Variants in HERC5 observed in about 807,000 individuals in gnomAD.
HERC5 encodes HECT and RLD domain containing E3 ubiquitin protein ligase 5.
Under a neutral mutation model 119.6 loss-of-function variants are expected in HERC5, and 99 were observed. The ratio of observed to expected loss-of-function variants is 0.83; its 90% CI spans 0.70 to 0.98. The LOEUF (loss-of-function observed/expected upper bound fraction) is 0.98. HERC5 is among the 50% of genes least tolerant of loss of function. HERC5 has a pLI of 0.00. For missense variants in HERC5, 1,267 were observed against 1,241.3 expected (o/e 1.02, Z -0.31); for synonymous variants, 478 against 445.9 (o/e 1.07, Z -0.91).
At chr4:88,470,560 G>C in intron 9 of HERC5, 54 bp from the exon 10 acceptor site, 1 of 861,780 alleles carries the variant, frequency 1.2e-6, no homozygotes, top group Non-Finnish European at 1.9e-6. Flanking sequence ...GAAAGAGGCT[G>C]TATGTATGTA....
In HERC5 at chr4:88,480,428, T is replaced by G. The variant is rs1741240504; in HGVS notation, c.1737+921T>G. Among the ~76,000 whole-genome samples, 3 of 151,082 alleles carry G rather than the reference T, an allele frequency of 2.0e-5. No homozygotes were observed. The Admixed American group carries it at 2.0e-4, about 10-fold the overall frequency. On this transcript the variant is annotated intron_variant, in intron 13 of 22. Transcript: ENST00000264350. Reference sequence around the variant, plus strand: ...AATATTGACAGATATATATGCTGTTTGCAATTCTTGTGTGTGTTTTTTTTT... The same window carrying G: ...AATATTGACAGATATATATGCTGTTGGCAATTCTTGTGTGTGTTTTTTTTT...
At chr4:88,466,968 G>C in intron 6 of HERC5, 91 bp from the exon 7 acceptor site, 1 of 1,240,552 alleles carries the variant, frequency 8.1e-7, no homozygotes, top group Non-Finnish European at 1.2e-6. Context: ...ACTCTCACTG[G>C]GTAACATAGT....
In HERC5 at chr4:88,504,579, G is replaced by T; in HGVS notation, c.2851G>T (p.Glu951Ter). The T allele has an allele frequency of 1.3e-6, 2 of 1,559,752 alleles. No homozygotes were observed. The highest frequency in any genetic ancestry group is 1.7e-6 in the Non-Finnish European group (2 of 1,157,738). ...GGCTTTCCACAAATTGACTCTGGAA[G>T]AAAAGAAAAAATTCCTTGGTAAGTA... ...WKAFHKLTLE[E>*]KKKFLVFLTG... Residue 951 changes from glutamate to a stop codon, truncating the protein, a stop_gained, in exon 22 of 23, where the codon GAA (glutamate) becomes TAA (stop). Transcript: ENST00000264350. LOFTEE classifies it low-confidence loss of function (END_TRUNC).
At chr4:88,502,903 A>C (rs953119047) in intron 20 of HERC5, among the ~76,000 whole-genome samples, 2 of 151,096 alleles carry the variant, frequency 1.3e-5, no homozygotes, top group Non-Finnish European at 3.0e-5. Flanking sequence ...TTCTAGATGC[A>C]AGTCTTTTGT....
intron 16 of HERC5, among the ~76,000 whole-genome samples, chr4:88,490,363 A>T (rs1741595722): frequency 6.6e-6 from 1 of 152,200 alleles, no homozygotes; most frequent in African/African-American, 2.4e-5. Context: ...GAGTAACCCA[A>T]CTGATAAGCA....
rs1741184419 is a variant in HERC5 at position 88,479,171 on chromosome 4, G to A, written c.1583-182G>A. Reference sequence around the variant, plus strand: ...ATGGTGGTAGGCGCCTGTAATTCCAGCCACTCAGGAAGGTGAGGCAGGAGA... The same window carrying A: ...ATGGTGGTAGGCGCCTGTAATTCCAACCACTCAGGAAGGTGAGGCAGGAGA... On this transcript the variant is annotated intron_variant, in intron 12 of 22. Coordinates refer to ENST00000264350, the MANE Select transcript of HERC5 (RefSeq NM_016323.4). Among the ~76,000 whole-genome samples, 3 of 151,656 alleles carry A rather than the reference G, an allele frequency of 2.0e-5. No homozygotes were observed. The South Asian group carries it at 6.2e-4, about 32-fold the overall frequency.
chr4:88,488,352 C>T (rs553409280), intron 15 of HERC5, among the ~76,000 whole-genome samples: 26 of 151,866 alleles, frequency 1.7e-4, no homozygotes, highest in Non-Finnish European at 3.7e-4. Context: ...CTGACTCAGC[C>T]TCCCGAGTAG....
At position 88,471,869 on chromosome 4, in the gene HERC5, CAGTCCTTT is replaced by C. The variant is rs1740878815; in HGVS notation, c.1299-539_1299-532del. 3.9e-5 allele frequency among the ~76,000 whole-genome samples: 6 copies of C among 152,042 alleles called. No homozygotes were observed. The South Asian group carries it at 1.2e-3, about 32-fold the overall frequency. On this transcript the variant is annotated intron_variant, in intron 10 of 22. Transcript: ENST00000264350. ...GTCTTCCTTCCTTCCTTCCTGTGGT[CAGTCCTTT>C]CTTCCTTCCTTCCTTCCTTCGAAAA...
intron 17 of HERC5, among the ~76,000 whole-genome samples, chr4:88,493,565 CTG>C (rs1166088494): frequency 6.6e-6 from 1 of 152,058 alleles, no homozygotes; most frequent in Non-Finnish European, 1.5e-5. Context: ...GGAACCAAAA[CTG>C]TGGCAGGGAT....
At position 88,505,646 on chromosome 4, in the gene HERC5, A is replaced by T. The variant is rs769079576; in HGVS notation, c.2870-27A>T. 7 of 1,353,488 alleles carry T rather than the reference A, an allele frequency of 5.2e-6. No individual in the cohort carries two copies. In the Admixed American group the frequency reaches 1.4e-4, roughly 27 times the overall value. The allele number at this position is 1,353,488 out of a possible 1,614,324, so 83.8% of individuals were successfully genotyped here. On this transcript the variant is annotated intron_variant, in intron 22 of 22. Coordinates refer to ENST00000264350, the MANE Select transcript of HERC5 (RefSeq NM_016323.4). ...AGATTTTGGTCTCCATGTAAAACAGATTGCCTAATTTTATTCTTCTTTTTA... is the reference window on the plus strand; with the variant it reads ...AGATTTTGGTCTCCATGTAAAACAGTTTGCCTAATTTTATTCTTCTTTTTA...
In HERC5 at chr4:88,494,120, T is replaced by G. The variant is rs1486501676; in HGVS notation, c.2278-45T>G. The stretch of plus-strand genomic sequence containing the variant: ...ATTTAATATAAATATTTCATTGTAC[T>G]GGTAAAAACTCATAATACTTTAAGA... On this transcript the variant is annotated intron_variant, in intron 17 of 22. Transcript: ENST00000264350. 7 of 1,200,000 alleles carry G rather than the reference T, an allele frequency of 5.8e-6. No individual in the cohort carries two copies. In the Admixed American group the frequency reaches 1.6e-4, roughly 27 times the overall value. The allele number at this position is 1,200,000 out of a possible 1,614,324, so 74.3% of individuals were successfully genotyped here.
In HERC5 at chr4:88,504,512, A is replaced by G. The variant is rs1173578341; in HGVS notation, c.2784A>G (p.Pro928=). ...KTFEKNARYE[P]GYNSSHPTIV... is the part of the protein sequence containing the mutation. ...TTCTCTAGAATGCACGTTATGAACC[A>G]GGATATAACAGTTCACATCCCACCA... The change falls in exon 22 of 23, where the codon CCA becomes CCG. Residue 928 remains proline (P), a synonymous_variant. Transcript: ENST00000264350. 6.4e-7 allele frequency: 1 copy of G among 1,573,396 alleles called. No individual in the cohort carries two copies. The highest frequency in any genetic ancestry group is 2.3e-5 in the East Asian group (1 of 44,328).
At chr4:88,503,446 T>G (rs988360017) in intron 20 of HERC5, among the ~76,000 whole-genome samples, 2 of 152,174 alleles carry the variant, frequency 1.3e-5, no homozygotes, top group African/African-American at 4.8e-5. Flanking sequence ...CCTTAAAAAT[T>G]TTTTTGTCTG....
At chr4:88,459,314 T>C (rs369844675) in intron 1 of HERC5, 33 bp from the exon 2 acceptor site, 60 of 1,516,320 alleles carry the variant, frequency 4.0e-5, no homozygotes, top group South Asian at 1.3e-4. Flanking sequence ...ATAATCAAAG[T>C]GACAATAGTT....
intron 1 of HERC5, chr4:88,458,139 G>C: frequency 1.1e-6 from 1 of 906,430 alleles, no homozygotes; most frequent in Admixed American, 6.2e-5. Flanking sequence ...CTGGCTTTTA[G>C]AAATTTGAGT....
At chr4:88,486,760 T>C (rs1463754683) in intron 14 of HERC5, among the ~76,000 whole-genome samples, 1 of 152,164 alleles carries the variant, frequency 6.6e-6, no homozygotes, top group Non-Finnish European at 1.5e-5. Context: ...TCATTCTCCG[T>C]TTATCAAATG....
At chr4:88,472,551 T>G (rs1286851403) in intron 11 of HERC5, 49 bp downstream of exon 11, 1 of 1,052,972 alleles carries the variant, frequency 9.5e-7, no homozygotes, top group Non-Finnish European at 1.5e-6. Context: ...AGAATATTTC[T>G]TAAAAGAACT....
chr4:88,475,906 T>A lies in HERC5; in HGVS notation c.1458T>A (p.Ala486=). ...CATTTCATTCTCCACCCCAAGAAGC[T>A]TTAGAAATTTTCTTCCTTCTCCCAG... ...RLPFHSPPQE[A]LEIFFLLPEC... Residue 486 remains alanine, a synonymous_variant, in exon 12 of 23, where the codon GCT becomes GCA. Transcript: ENST00000264350. 2 of 1,614,044 alleles carry A rather than the reference T, an allele frequency of 1.2e-6. No homozygotes were observed. The highest frequency in any genetic ancestry group is 1.7e-6 in the Non-Finnish European group (2 of 1,179,968).
At chr4:88,460,645 C>T (rs887046228) in intron 3 of HERC5, among the ~76,000 whole-genome samples, 1 of 152,160 alleles carries the variant, frequency 6.6e-6, no homozygotes, top group Non-Finnish European at 1.5e-5. Flanking sequence ...CTATCAGACA[C>T]TGTCATGGTG....
Sources: allele counts gnomAD v4.1 joint callset (sites outside exome capture counted in the v4.1 genomes callset), GRCh38; gene constraint gnomAD v4.1.1; transcripts MANE v1.5; gene names NCBI Gene and HGNC (gene_info 2026-07-23, HGNC 2026-07-21).